Variants in WWOX observed in about 807,000 individuals in gnomAD.
WWOX encodes WW domain-containing oxidoreductase.
Under a neutral mutation model 46.2 loss-of-function variants are expected in WWOX, and 69 were observed. The ratio of observed to expected loss-of-function variants is 1.49; its 90% confidence interval spans 1.23 to 1.82. WWOX has a LOEUF of 1.82. Among genes scored for constraint, WWOX ranks in the 40% most tolerant of loss-of-function variants. The probability of loss-of-function intolerance (pLI) is 0.00; values close to 1 mark genes in which losing one functional copy is unlikely to be tolerated. For missense variants in WWOX, 919 were observed against 542.6 expected, an observed-to-expected ratio of 1.69 and a Z score of -6.89; for synonymous variants, 359 against 202.6, an observed-to-expected ratio of 1.77 and a Z score of -6.56.
intron 8 of WWOX, among the ~76,000 whole-genome samples, chr16:79,181,710 C>G (rs1057001710): frequency 6.6e-6 from 1 of 151,982 alleles, no homozygotes; most frequent in African/African-American, 2.4e-5. Flanking sequence ...GCTCTTTTTC[C>G]TTCTTTTGAC....
chr16:78,841,393 G>C (rs535136304), intron 8 of WWOX, among the ~76,000 whole-genome samples: 14 of 152,208 alleles, frequency 9.2e-5, no homozygotes, highest in African/African-American at 3.4e-4. Flanking sequence ...CATGAGAGCA[G>C]ATTTTGCCTG....
rs570529318 is a variant in WWOX, at chr16:78,556,925, G to T, written c.1056+124173G>T. 2.6e-5 allele frequency among the ~76,000 whole-genome samples: 4 copies of T among 151,984 alleles called. No individual in the cohort carries two copies. The East Asian group carries it at 7.8e-4, about 29-fold the overall frequency. On this transcript the variant is annotated intron_variant, in intron 8 of 8. Coordinates refer to ENST00000566780, the MANE Select transcript of WWOX (RefSeq NM_016373.4). ...ATAGAGATGAGGTTTTGCCATATTG[G>T]TCAGGCTGGTCTTGAACTCTTGACC...
chr16:78,557,652 G>A (rs148528961), intron 8 of WWOX, among the ~76,000 whole-genome samples: 2 of 149,254 alleles, frequency 1.3e-5, no homozygotes, highest in East Asian at 2.0e-4. Flanking sequence ...CATTTTGCCC[G>A]GAAATGCGAC....
chr16:79,051,606 G>C (rs1297031275), intron 8 of WWOX, among the ~76,000 whole-genome samples: 2 of 152,224 alleles, frequency 1.3e-5, no homozygotes, highest in Non-Finnish European at 2.9e-5. Flanking sequence ...TTAGTGAACA[G>C]CCAGGCAGTC....
chr16:79,035,289 A>G (rs1028329408), intron 8 of WWOX, among the ~76,000 whole-genome samples: 1 of 152,194 alleles, frequency 6.6e-6, no homozygotes, highest in Non-Finnish European at 1.5e-5. Flanking sequence ...AACCCAGTCC[A>G]TCTCTAATCC....
intron 8 of WWOX, among the ~76,000 whole-genome samples, chr16:79,146,474 G>A (rs1018386804): frequency 1.6e-4 from 24 of 152,158 alleles, no homozygotes; most frequent in African/African-American, 5.5e-4. Flanking sequence ...GAAGGGTCTT[G>A]AGATTTGGAG....
chr16:78,737,538 G>A lies in WWOX; in HGVS notation c.1056+304786G>A, dbSNP rs576543959. Reference sequence around the variant, plus strand: ...TGAGATTTTGATGTACCCATCACCCGGGCAGTGTATACTGTAGCCAATATG... The same window carrying A: ...TGAGATTTTGATGTACCCATCACCCAGGCAGTGTATACTGTAGCCAATATG... On this transcript the variant is annotated intron_variant, in intron 8 of 8. Transcript: ENST00000566780. 3.9e-5 allele frequency among the ~76,000 whole-genome samples: 6 copies of A among 152,092 alleles called. No homozygotes were observed. In the South Asian group the frequency reaches 6.2e-4, roughly 16 times the overall value.
chr16:78,742,203 A>G (rs752565701), intron 8 of WWOX, among the ~76,000 whole-genome samples: 1 of 152,202 alleles, frequency 6.6e-6, no homozygotes, highest in Admixed American at 6.5e-5. Context: ...CAGTGTACAA[A>G]TACTAGGGGT....
intron 8 of WWOX, among the ~76,000 whole-genome samples, chr16:78,693,298 C>T (rs960220460): frequency 6.6e-6 from 1 of 152,132 alleles, no homozygotes; most frequent in Non-Finnish European, 1.5e-5. Flanking sequence ...TTCCCGTCCC[C>T]ACCACTACCC....
At chr16:78,991,477 TG>T (rs1181528860) in intron 8 of WWOX, among the ~76,000 whole-genome samples, 13 of 151,744 alleles carry the variant, frequency 8.6e-5, no homozygotes, top group Admixed American at 8.5e-4. Context: ...GGTGCACACC[TG>T]TAGTCCCAGC....
intron 8 of WWOX, among the ~76,000 whole-genome samples, chr16:78,469,171 T>A (rs1007999550): frequency 1.3e-5 from 2 of 152,188 alleles, no homozygotes; most frequent in African/African-American, 4.8e-5. Flanking sequence ...ACCACATGCT[T>A]GTTATGGAAA....
intron 8 of WWOX, among the ~76,000 whole-genome samples, chr16:78,805,028 C>T (rs1269996043): frequency 6.6e-6 from 1 of 152,170 alleles, no homozygotes; most frequent in African/African-American, 2.4e-5. Flanking sequence ...GCAAAATGCC[C>T]CTTTCTCCTG....
At chr16:79,031,680 A>G (rs1261430201) in intron 8 of WWOX, among the ~76,000 whole-genome samples, 1 of 149,792 alleles carries the variant, frequency 6.7e-6, no homozygotes, top group East Asian at 1.9e-4. Flanking sequence ...TCTTTTTTGA[A>G]TGGTTAAATA....
intron 3 of WWOX, among the ~76,000 whole-genome samples, chr16:78,110,709 T>A (rs765151115): frequency 5.9e-5 from 9 of 152,192 alleles, no homozygotes; most frequent in Non-Finnish European, 1.2e-4. Context: ...TCATCTTGTA[T>A]CTGTAGCATT....
At chr16:78,593,457 G>C (rs1302232404) in intron 8 of WWOX, among the ~76,000 whole-genome samples, 2 of 152,138 alleles carry the variant, frequency 1.3e-5, no homozygotes, top group Non-Finnish European at 2.9e-5. Context: ...CTTCAGGATT[G>C]ATCACAAAAT....
At chr16:78,983,927 G>C (rs959714844) in intron 8 of WWOX, among the ~76,000 whole-genome samples, 21 of 131,050 alleles carry the variant, frequency 1.6e-4, no homozygotes, top group African/African-American at 5.4e-4. Flanking sequence ...ACCCAGGCTG[G>C]AGTGCAGTGG....
intron 8 of WWOX, among the ~76,000 whole-genome samples, chr16:78,904,148 G>C (rs2044899084): frequency 6.6e-6 from 1 of 150,866 alleles, no homozygotes; most frequent in African/African-American, 2.4e-5. Context: ...CAGATGTAAA[G>C]TCCAACTGTT....
intron 8 of WWOX, among the ~76,000 whole-genome samples, chr16:78,805,485 G>A (rs916650528): frequency 2.0e-5 from 3 of 151,808 alleles, no homozygotes; most frequent in African/African-American, 7.3e-5. Context: ...GGGTTTCACA[G>A]TGTTATGCAG....
chr16:78,702,582 G>A (rs7199674), intron 8 of WWOX, among the ~76,000 whole-genome samples: 1 of 151,154 alleles, frequency 6.6e-6, no homozygotes, highest in Non-Finnish European at 1.5e-5. Context: ...TTGAATCTGG[G>A]AGGTGGAGGT....
Sources: gnomAD v4.1 joint callset for allele counts (sites outside exome capture counted in the v4.1 genomes callset) on GRCh38, gnomAD v4.1.1 for gene constraint, MANE v1.5 for transcripts, NCBI Gene and HGNC (gene_info 2026-07-23, HGNC 2026-07-21) for gene names.